The following CTNNA3 variants were observed in gnomAD, a reference collection of about 807,000 sequenced individuals.
The protein encoded by CTNNA3 is catenin alpha-3.
A neutral mutation model predicts 95.7 loss-of-function variants in CTNNA3; 76 were observed. The observed-to-expected ratio is 0.79, with a 90% CI of 0.66 to 0.96. The LOEUF (loss-of-function observed/expected upper bound fraction) is 0.96, where lower values mean the gene tolerates loss of function less well. Among genes scored for constraint, CTNNA3 ranks in the 40% least tolerant of loss-of-function variants. CTNNA3 has a pLI of 0.00. For missense variants in CTNNA3, 1,191 were observed against 1,089.8 expected, an observed-to-expected ratio of 1.09 and a Z score of -1.31; for synonymous variants, 431 against 374.4, an observed-to-expected ratio of 1.15 and a Z score of -1.74.
Position 67,018,548 on chromosome 10 carries a change from C to T in CTNNA3, c.1047+161769G>A, listed in dbSNP as rs565555235. Among the ~76,000 whole-genome samples the T allele has an allele frequency of 1.3e-3, 202 of 152,270 alleles. 1 individual carries two copies. The highest frequency in any genetic ancestry group is 4.8e-3 in the African/African-American group (198 of 41,562). Reference sequence around the variant, plus strand: ...ACCTTTAAATAAGGTTTCAATTCAACTGGTGAGAGCAGTAATAGACAGACC... The same window carrying T: ...ACCTTTAAATAAGGTTTCAATTCAATTGGTGAGAGCAGTAATAGACAGACC... On this transcript the variant is annotated intron_variant, in intron 7 of 17. Coordinates refer to ENST00000433211, the MANE Select transcript of CTNNA3 (RefSeq NM_013266.4).
chr10:66,293,184 T>C (rs1474597681), intron 12 of CTNNA3, among the ~76,000 whole-genome samples: 1 of 152,174 alleles, frequency 6.6e-6, no homozygotes, highest in Admixed American at 6.5e-5. Context: ...TTTTAAAAGG[T>C]TAACAATCTC....
intron 3 of CTNNA3, among the ~76,000 whole-genome samples, chr10:67,568,465 A>G (rs529318799): frequency 2.5e-4 from 37 of 150,182 alleles, no homozygotes; most frequent in Admixed American, 9.3e-4. Flanking sequence ...GTATATATAT[A>G]TGTGTGTGTG....
intron 7 of CTNNA3, among the ~76,000 whole-genome samples, chr10:66,909,254 C>T (rs904426558): frequency 6.6e-6 from 1 of 152,132 alleles, no homozygotes; most frequent in African/African-American, 2.4e-5. Context: ...GTGGCTCATT[C>T]CTGTATTCCC....
At chr10:65,974,858 A>C (rs1176497999) in intron 16 of CTNNA3, among the ~76,000 whole-genome samples, 1 of 152,208 alleles carries the variant, frequency 6.6e-6, no homozygotes, top group East Asian at 1.9e-4. Flanking sequence ...TATTTTATTC[A>C]AATTTTGTAT....
chr10:65,981,195 A>G (rs2078312524), intron 16 of CTNNA3, among the ~76,000 whole-genome samples: 2 of 152,070 alleles, frequency 1.3e-5, no homozygotes, highest in South Asian at 4.1e-4. Context: ...GCTATATACC[A>G]ACAGTGACCA....
chr10:65,980,498 C>G (rs2078296057), intron 16 of CTNNA3, among the ~76,000 whole-genome samples: 1 of 149,194 alleles, frequency 6.7e-6, no homozygotes, highest in African/African-American at 2.5e-5. Flanking sequence ...CAGTATAACT[C>G]TAGTAACAAA....
chr10:66,642,728 G>A (rs1395958551), intron 9 of CTNNA3, among the ~76,000 whole-genome samples: 1 of 152,106 alleles, frequency 6.6e-6, no homozygotes, highest in African/African-American at 2.4e-5. Flanking sequence ...ATAAATTAGA[G>A]AATAAGGGGC....
chr10:67,708,821 T>C (rs1841091599), intron 1 of CTNNA3, among the ~76,000 whole-genome samples: 1 of 152,178 alleles, frequency 6.6e-6, no homozygotes, highest in Non-Finnish European at 1.5e-5. Flanking sequence ...ATTTTTCCTG[T>C]ATGAATTTAC....
intron 9 of CTNNA3, among the ~76,000 whole-genome samples, chr10:66,697,674 T>C (rs1847813798): frequency 6.6e-6 from 1 of 152,170 alleles, no homozygotes; most frequent in Non-Finnish European, 1.5e-5. Context: ...AATTTCAAAA[T>C]GGGTATAAAT....
chr10:66,685,308 T>C (rs1351755589), intron 9 of CTNNA3, among the ~76,000 whole-genome samples: 3,015 of 45,170 alleles, frequency 0.067, 119 homozygotes, highest in African/African-American at 0.12. Context: ...TGTATATATA[T>C]GTGTGTGTGT....
chr10:67,301,469 C>T (rs763315680), intron 5 of CTNNA3, among the ~76,000 whole-genome samples: 16 of 152,128 alleles, frequency 1.1e-4, no homozygotes, highest in Non-Finnish European at 2.1e-4. Context: ...AAAAATAGAG[C>T]TATCATATCA....
chr10:66,746,969 T>C (rs1196276904), intron 9 of CTNNA3, among the ~76,000 whole-genome samples: 4 of 152,142 alleles, frequency 2.6e-5, no homozygotes, highest in Admixed American at 1.3e-4. Context: ...GCATACTTTA[T>C]AGATTTTTAG....
chr10:67,228,605 C>T (rs1392219516), intron 5 of CTNNA3, among the ~76,000 whole-genome samples: 1 of 146,720 alleles, frequency 6.8e-6, no homozygotes, highest in Non-Finnish European at 1.5e-5. Context: ...AAGAGTGAAA[C>T]TCCATCTCAA....
chr10:66,362,133 T>G (rs1345702791), intron 12 of CTNNA3, among the ~76,000 whole-genome samples: 2 of 145,740 alleles, frequency 1.4e-5, no homozygotes, highest in Non-Finnish European at 3.0e-5. Flanking sequence ...AGACGGAGTC[T>G]TGCTCTGTCA....
At chr10:66,839,646 T>TGAA (rs953503318) in intron 7 of CTNNA3, among the ~76,000 whole-genome samples, 1 of 152,128 alleles carries the variant, frequency 6.6e-6, no homozygotes, top group African/African-American at 2.4e-5. Flanking sequence ...GTGTGAAATG[T>TGAA]GAAAGCACTT....
At chr10:66,971,260 T>A (rs1262318198) in intron 7 of CTNNA3, among the ~76,000 whole-genome samples, 1 of 152,012 alleles carries the variant, frequency 6.6e-6, no homozygotes, top group Non-Finnish European at 1.5e-5. Context: ...ACCCCGTCTC[T>A]ACTAAAAATA....
chr10:65,950,832 C>A (rs2077597520), intron 17 of CTNNA3, among the ~76,000 whole-genome samples: 1 of 152,112 alleles, frequency 6.6e-6, no homozygotes, highest in African/African-American at 2.4e-5. Flanking sequence ...ACTCTCACAT[C>A]ACATCTATAC....
At chr10:66,502,044 T>G (rs541933785) in intron 11 of CTNNA3, among the ~76,000 whole-genome samples, 1 of 151,998 alleles carries the variant, frequency 6.6e-6, no homozygotes, top group African/African-American at 2.4e-5. Context: ...AAAAGTATTT[T>G]TTTAATCTAG....
At chr10:67,491,237 A>T (rs2133079210) in intron 5 of CTNNA3, among the ~76,000 whole-genome samples, 1 of 152,346 alleles carries the variant, frequency 6.6e-6, no homozygotes, top group Middle Eastern at 3.4e-3. Context: ...AAGAATATAG[A>T]TATACACAAA....
Sources: allele counts gnomAD v4.1 joint callset (sites outside exome capture counted in the v4.1 genomes callset), GRCh38; gene constraint gnomAD v4.1.1; transcripts MANE v1.5; gene names NCBI Gene and HGNC (gene_info 2026-07-23, HGNC 2026-07-21).